The following CCSER1 variants were observed in gnomAD, a reference collection of about 807,000 sequenced individuals.
CCSER1 encodes serine-rich coiled-coil domain-containing protein 1.
In CCSER1, 41 loss-of-function variants were observed where a neutral mutation model predicts 82.0. The observed-to-expected ratio is 0.50, with a 90% CI of 0.39 to 0.65. The LOEUF (loss-of-function observed/expected upper bound fraction) is 0.65. CCSER1 is among the 30% of genes least tolerant of loss of function. The pLI is 0.00. For synonymous variants in CCSER1, 414 were observed against 383.9 expected (o/e 1.08, Z -0.92); for missense variants, 1,119 against 1,064.2 (o/e 1.05, Z -0.72).
chr4:90,504,900 C>A (rs554340297), intron 5 of CCSER1, among the ~76,000 whole-genome samples: 5 of 152,156 alleles, frequency 3.3e-5, no homozygotes, highest in Admixed American at 1.3e-4. Flanking sequence ...CCCAGAGTAT[C>A]CAAATATCAA....
chr4:90,514,329 A>G (rs574253265), intron 5 of CCSER1, among the ~76,000 whole-genome samples: 1 of 152,340 alleles, frequency 6.6e-6, no homozygotes, highest in Middle Eastern at 3.4e-3. Context: ...TTTATTTTAG[A>G]TGGAATTAAT....
intron 10 of CCSER1, among the ~76,000 whole-genome samples, chr4:91,578,002 A>G (rs1232888911): frequency 6.6e-6 from 1 of 151,994 alleles, no homozygotes. Context: ...CAAGTTTGCT[A>G]GAAGTTTCCT....
intron 7 of CCSER1, among the ~76,000 whole-genome samples, chr4:90,746,289 A>G (rs1352738309): frequency 6.6e-6 from 1 of 152,194 alleles, no homozygotes; most frequent in Admixed American, 6.5e-5. Context: ...TAATAGATGA[A>G]TGAGTAAATT....
chr4:90,771,341 T>G (rs1463978125), intron 7 of CCSER1, among the ~76,000 whole-genome samples: 1 of 151,834 alleles, frequency 6.6e-6, no homozygotes, highest in Non-Finnish European at 1.5e-5. Flanking sequence ...ATAATTATCT[T>G]TTTTTAGACA....
chr4:91,362,489 G>C (rs1232569019), intron 10 of CCSER1, among the ~76,000 whole-genome samples: 2 of 151,784 alleles, frequency 1.3e-5, no homozygotes, highest in Non-Finnish European at 2.9e-5. Context: ...ATATGTATAA[G>C]AAAGAAACAT....
In CCSER1 at chr4:91,457,372, T is replaced by C. The variant is rs914353648; in HGVS notation, c.2218-141200T>C. ...GTTTCAACCCAGAAGACATTTTCTT[T>C]AAAATTTTAATTGGCTAGGTTTGGT... On this transcript the variant is annotated intron_variant, in intron 10 of 10. Transcript: ENST00000509176. 4.6e-5 allele frequency among the ~76,000 whole-genome samples: 7 copies of C among 152,210 alleles called. No individual in the cohort carries two copies. The East Asian group carries it at 9.7e-4, about 21-fold the overall frequency.
At chr4:91,437,295 T>C (rs553336688) in intron 10 of CCSER1, among the ~76,000 whole-genome samples, 12 of 152,328 alleles carry the variant, frequency 7.9e-5, no homozygotes, top group Middle Eastern at 3.4e-3. Context: ...AGAAGGCAGT[T>C]TATTTGACCA....
chr4:90,240,232 G>C (rs544542462), intron 1 of CCSER1, among the ~76,000 whole-genome samples: 32 of 152,286 alleles, frequency 2.1e-4, no homozygotes, highest in African/African-American at 7.7e-4. Context: ...CCAGGGAAGA[G>C]TATGGGGCCT....
intron 1 of CCSER1, among the ~76,000 whole-genome samples, chr4:90,129,810 T>C (rs1424031185): frequency 6.6e-6 from 1 of 152,226 alleles, no homozygotes. Context: ...AAATACATTT[T>C]CAACACGGAA....
intron 5 of CCSER1, among the ~76,000 whole-genome samples, chr4:90,536,037 T>TG (rs1367195904): frequency 6.8e-6 from 1 of 147,784 alleles, no homozygotes; most frequent in African/African-American, 2.5e-5. Context: ...TTCTGTTTTT[T>TG]TTTTTTTTTT....
At chr4:91,544,349 G>A (rs555304873) in intron 10 of CCSER1, among the ~76,000 whole-genome samples, 2 of 152,150 alleles carry the variant, frequency 1.3e-5, no homozygotes, top group Non-Finnish European at 2.9e-5. Flanking sequence ...TTCTGTTGCT[G>A]GCAAGGAACT....
intron 3 of CCSER1, among the ~76,000 whole-genome samples, chr4:90,386,760 C>G (rs1750124246): frequency 6.6e-6 from 1 of 152,160 alleles, no homozygotes; most frequent in South Asian, 2.1e-4. Context: ...ATTGCACCTG[C>G]TGTTTCCTAT....
At chr4:90,725,268 G>A (rs1743436888) in intron 7 of CCSER1, among the ~76,000 whole-genome samples, 1 of 151,524 alleles carries the variant, frequency 6.6e-6, no homozygotes, top group African/African-American at 2.4e-5. Flanking sequence ...TTTTGACAAT[G>A]ATTACAGTCT....
At chr4:91,447,660 A>G (rs754666605) in intron 10 of CCSER1, among the ~76,000 whole-genome samples, 2 of 152,170 alleles carry the variant, frequency 1.3e-5, no homozygotes, top group Non-Finnish European at 2.9e-5. Flanking sequence ...TTTTTCTACT[A>G]TGATTGATGG....
At chr4:90,820,262 T>G (rs1449690023) in intron 8 of CCSER1, among the ~76,000 whole-genome samples, 1 of 152,242 alleles carries the variant, frequency 6.6e-6, no homozygotes, top group Non-Finnish European at 1.5e-5. Flanking sequence ...AACTGTCAAA[T>G]AATACCACTG....
intron 3 of CCSER1, among the ~76,000 whole-genome samples, chr4:90,376,080 G>A (rs1748258573): frequency 6.6e-6 from 1 of 152,136 alleles, no homozygotes; most frequent in African/African-American, 2.4e-5. Context: ...TGAAAACACA[G>A]TCATATGCAT....
chr4:90,869,273 CCCAGACCAAAG>C (rs1766127390), intron 8 of CCSER1, among the ~76,000 whole-genome samples: 1 of 151,924 alleles, frequency 6.6e-6, no homozygotes, highest in African/African-American at 2.4e-5. Context: ...GAAATCTTTA[CCCAGACCAAAG>C]TCCTAGAGAG....
At chr4:91,167,830 C>A (rs908759212) in intron 10 of CCSER1, among the ~76,000 whole-genome samples, 2 of 152,244 alleles carry the variant, frequency 1.3e-5, no homozygotes, top group African/African-American at 2.4e-5. Context: ...TATAACCTAA[C>A]AAATAAATAA....
chr4:90,565,647 C>T (rs1779275916), intron 5 of CCSER1, among the ~76,000 whole-genome samples: 2 of 152,124 alleles, frequency 1.3e-5, no homozygotes, highest in Admixed American at 6.6e-5. Context: ...GTGCGTTTGT[C>T]ATATATGATT....
Sources: allele counts gnomAD v4.1 joint callset (sites outside exome capture counted in the v4.1 genomes callset), GRCh38; gene constraint gnomAD v4.1.1; transcripts MANE v1.5; gene names NCBI Gene and HGNC (gene_info 2026-07-23, HGNC 2026-07-21).